TTC8: variants seen among roughly 807,000 people sequenced by gnomAD.
TTC8 encodes the protein tetratricopeptide repeat domain 8.
Under a neutral mutation model 72.5 loss-of-function variants are expected in TTC8, and 47 were observed. The observed-to-expected ratio is 0.65, with a 90% CI of 0.51 to 0.83. The LOEUF (loss-of-function observed/expected upper bound fraction) is 0.83, where lower values mean the gene tolerates loss of function less well. Among genes scored for constraint, TTC8 ranks in the 40% least tolerant of loss-of-function variants. The pLI is 0.00. For missense variants in TTC8, 611 were observed against 623.2 expected (o/e 0.98, Z 0.21); for synonymous variants, 199 against 221.4 (o/e 0.90, Z 0.90).
At chr14:88,879,329 A>T (rs2094966912), downstream of TTC8, 1 of 152,154 alleles carries the variant, frequency 6.6e-6, no homozygotes, top group African/African-American at 2.4e-5. Flanking sequence ...GAACACAAAA[A>T]ATACTAATAA....
chr14:88,848,314 T>A (rs567024308), intron 7 of TTC8, among the ~76,000 whole-genome samples: 19 of 152,188 alleles, frequency 1.2e-4, no homozygotes, highest in African/African-American at 4.6e-4. Flanking sequence ...TTTATATTTA[T>A]GAAATTAGAA....
In TTC8 at chr14:88,877,768, A is replaced by G. The variant is rs1400716037; in HGVS notation, c.*358A>G. ...TAAGTCCTTAAGCTGACTCTTAGCC[A>G]TCATGTAGCTTAAGGAGTCTGAAAT... On this transcript the variant is annotated 3_prime_UTR_variant, in exon 15 of 15. Transcript: ENST00000380656. The G allele has an allele frequency of 5.5e-6, 1 of 181,658 alleles. No individual in the cohort carries two copies. The highest frequency in any genetic ancestry group is 1.2e-5 in the Non-Finnish European group (1 of 86,196). 11.3% of individuals were successfully genotyped at this position (181,658 alleles called of 1,614,324 possible). A position where few individuals can be genotyped will look rare whatever the true frequency, so the allele number is the denominator to read the frequency against.
intron 11 of TTC8, 46 bp downstream of exon 11, chr14:88,870,244 T>C: frequency 1.3e-6 from 2 of 1,593,044 alleles, no homozygotes; most frequent in Non-Finnish European, 1.7e-6. Flanking sequence ...TGTGAAATAT[T>C]GATAAAATAA....
intron 1 of TTC8, 127 bp downstream of exon 1, chr14:88,824,948 G>C: frequency 1.2e-6 from 1 of 848,988 alleles, no homozygotes; most frequent in East Asian, 2.7e-5. Context: ...TCGGCCCTCG[G>C]AGGCGCCCGG....
At chr14:88,833,670 A>C (rs1477589854) in intron 1 of TTC8, 23 bp from the exon 2 acceptor site, 2 of 1,611,878 alleles carry the variant, frequency 1.2e-6, no homozygotes, top group Non-Finnish European at 1.7e-6. Flanking sequence ...AAAACTGTTT[A>C]CTGCCTTCTT....
At position 88,870,043 on chromosome 14, in the gene TTC8, T is replaced by G. The variant is rs199763558; in HGVS notation, c.910-16T>G. ...ATATTAATAAAATATTGCTCTTCTCTCTTGATGGAGAATAGGAAATGAACA... is the reference window on the plus strand; with the variant it reads ...ATATTAATAAAATATTGCTCTTCTCGCTTGATGGAGAATAGGAAATGAACA... On this transcript the variant is annotated splice_polypyrimidine_tract_variant and intron_variant, in intron 10 of 14. Transcript: ENST00000380656. 1,427 of 1,613,540 alleles carry G rather than the reference T, an allele frequency of 8.8e-4. 3 individuals carry two copies. The highest frequency in any genetic ancestry group is 1.1e-3 in the Non-Finnish European group (1,334 of 1,179,704).
intron 1 of TTC8, 21 bp downstream of exon 1, chr14:88,824,842 G>T: frequency 1.3e-6 from 2 of 1,596,074 alleles, no homozygotes; most frequent in Admixed American, 1.7e-5. Context: ...GCTCCCGTCA[G>T]CCTGTGCATC....
intron 9 of TTC8, among the ~76,000 whole-genome samples, chr14:88,859,256 G>T (rs2094872202): frequency 6.6e-6 from 1 of 152,032 alleles, no homozygotes; most frequent in Non-Finnish European, 1.5e-5. Flanking sequence ...GCAAAGACAT[G>T]GAATTAACCT....
At chr14:88,872,545 A>T in intron 13 of TTC8, 93 bp downstream of exon 13, 2 of 1,565,586 alleles carry the variant, frequency 1.3e-6, no homozygotes, top group Admixed American at 1.7e-5. Context: ...TTATTTTAAA[A>T]TGAGCTCTAG....
intron 7 of TTC8, among the ~76,000 whole-genome samples, chr14:88,845,995 AG>A (rs1270196910): frequency 6.6e-6 from 1 of 151,552 alleles, no homozygotes; most frequent in Non-Finnish European, 1.5e-5. Flanking sequence ...TTTTGGATGG[AG>A]GGGGGAGTGG....
At chr14:88,843,730 G>T in intron 6 of TTC8, 76 bp from the exon 7 acceptor site, 1 of 1,033,994 alleles carries the variant, frequency 9.7e-7, no homozygotes, top group East Asian at 2.5e-5. Flanking sequence ...TATAAATCCA[G>T]GGCTTTAGAG....
intron 9 of TTC8, among the ~76,000 whole-genome samples, chr14:88,860,041 A>G (rs1288775799): frequency 6.7e-6 from 1 of 148,264 alleles, no homozygotes; most frequent in East Asian, 1.9e-4. Context: ...TTTTAGGAAC[A>G]TTGCTTTTTA....
intron 10 of TTC8, 51 bp downstream of exon 10, chr14:88,861,383 T>C: frequency 7.3e-7 from 1 of 1,372,372 alleles, no homozygotes; most frequent in Non-Finnish European, 1.0e-6. Flanking sequence ...TAGTTTTACA[T>C]ATTTTTGTGG....
Position 88,851,791 on chromosome 14 carries a change from T to G in TTC8, c.625-1180T>G, listed in dbSNP as rs1381767749. Among the ~76,000 whole-genome samples the G allele has an allele frequency of 3.3e-5, 5 of 152,260 alleles. No individual in the cohort carries two copies. The East Asian group carries it at 9.6e-4, about 29-fold the overall frequency. ...AGCTTTCAAGTAGAGATGCTGATTT[T>G]TCAAGTCCATTAGAGGCTCAGCATG... On this transcript the variant is annotated intron_variant, in intron 7 of 14. Transcript: ENST00000380656.
At chr14:88,875,913 C>G (rs555613000) in intron 14 of TTC8, among the ~76,000 whole-genome samples, 41 of 152,286 alleles carry the variant, frequency 2.7e-4, no homozygotes, top group African/African-American at 9.6e-4. Flanking sequence ...AACTACCCCG[C>G]CTTCCTCACT....
At chr14:88,827,862 A>G (rs10438200) in intron 1 of TTC8, among the ~76,000 whole-genome samples, 48,995 of 152,064 alleles carry the variant, frequency 0.32, 8,101 homozygotes, top group Non-Finnish European at 0.37. Context: ...TACAAGCTTG[A>G]AAATTATCTT....
chr14:88,834,909 T>C (rs2094743388), intron 2 of TTC8, among the ~76,000 whole-genome samples: 1 of 152,216 alleles, frequency 6.6e-6, no homozygotes, highest in Non-Finnish European at 1.5e-5. Context: ...TTTGGCATTA[T>C]TTTCCTGTTC....
chr14:88,834,981 T>C (rs143924378), intron 2 of TTC8, among the ~76,000 whole-genome samples: 32 of 152,356 alleles, frequency 2.1e-4, no homozygotes, highest in African/African-American at 7.5e-4. Context: ...GCTGACTAGA[T>C]TCTTTTGGCC....
At chr14:88,824,547 G>C, upstream of TTC8, 1 of 606,344 alleles carries the variant, frequency 1.6e-6, no homozygotes, top group South Asian at 1.9e-5. Flanking sequence ...TTCTGCTTGC[G>C]GTTGTTTTTC....
Sources: allele counts gnomAD v4.1 joint callset (sites outside exome capture counted in the v4.1 genomes callset), GRCh38; gene constraint gnomAD v4.1.1; transcripts MANE v1.5; gene names NCBI Gene and HGNC (gene_info 2026-07-23, HGNC 2026-07-21).